Variants in PCDH9 observed in about 807,000 individuals in gnomAD.
PCDH9 encodes the protein protocadherin-9.
In PCDH9, 24 loss-of-function variants were observed where a neutral mutation model predicts 70.6. The ratio of observed to expected loss-of-function variants is 0.34; its 90% CI spans 0.25 to 0.48. PCDH9 has a LOEUF of 0.48. PCDH9 is among the 20% of genes least tolerant of loss of function. The pLI, the probability that PCDH9 is intolerant of heterozygous loss-of-function variation, is 0.99. For synonymous variants in PCDH9, 562 were observed against 558.5 expected, an observed-to-expected ratio of 1.01 and a Z score of -0.09; for missense variants, 1,281 against 1,503.6, an observed-to-expected ratio of 0.85 and a Z score of 2.45.
chr13:67,226,502 C>T lies in PCDH9; in HGVS notation c.1939G>A (p.Ala647Thr). 6.2e-7 allele frequency: 1 copy of T among 1,614,112 alleles called. No individual in the cohort carries two copies. The highest frequency in any genetic ancestry group is 1.6e-4 in the Middle Eastern group (1 of 6,062). ...QQSSYTFDVK[A>T]TDGGQPPRSS... ...CGAGGTGGTTGTCCTCCATCAGTGG[C>T]TTTGACATCAAAAGTGTAGGAACTC... The change falls in exon 2 of 5, where the codon GCC becomes ACC. Residue 647 changes from alanine (A) to threonine (T), a missense_variant. This residue lies in a region of PCDH9 where 798 missense variants were observed against 1,003.1 expected (regional missense o/e 0.80). Transcript: ENST00000377865. This position sits in a 1 kb window ranked among gnomAD's most constrained non-coding sequence, Gnocchi z 5.0.
chr13:66,457,119 T>G (rs1481901550), intron 4 of PCDH9, among the ~76,000 whole-genome samples: 1 of 152,090 alleles, frequency 6.6e-6, no homozygotes, highest in African/African-American at 2.4e-5. Flanking sequence ...TCTCAATAGT[T>G]TAAATAAAAA....
At chr13:67,067,529 C>G (rs1192528059) in intron 2 of PCDH9, among the ~76,000 whole-genome samples, 1 of 151,964 alleles carries the variant, frequency 6.6e-6, no homozygotes, top group Non-Finnish European at 1.5e-5. Flanking sequence ...ATAGCACATA[C>G]TTCATTAGTG....
At chr13:66,754,425 T>TA (rs1197114883) in intron 3 of PCDH9, among the ~76,000 whole-genome samples, 5 of 151,616 alleles carry the variant, frequency 3.3e-5, no homozygotes, top group East Asian at 3.9e-4. Flanking sequence ...CCTTATTTTT[T>TA]AAAAAAAGGA....
At chr13:66,327,512 G>A (rs1003128277) in intron 4 of PCDH9, among the ~76,000 whole-genome samples, 13 of 151,958 alleles carry the variant, frequency 8.6e-5, no homozygotes, top group Non-Finnish European at 1.5e-4. Context: ...CCATATTAAC[G>A]CTCTTTAAAA....
At chr13:66,606,179 C>A (rs1214473740) in intron 4 of PCDH9, among the ~76,000 whole-genome samples, 1 of 152,106 alleles carries the variant, frequency 6.6e-6, no homozygotes, top group Non-Finnish European at 1.5e-5. Flanking sequence ...GAACAAATGG[C>A]TGGTTCACTG....
At position 67,120,929 on chromosome 13, in the gene PCDH9, G is replaced by GA. The variant is rs879853398; in HGVS notation, c.3036+104475dup. On this transcript the variant is annotated intron_variant, in intron 2 of 4. Coordinates refer to ENST00000377865, the MANE Select transcript of PCDH9 (RefSeq NM_203487.3). ...GAAGTCACTTGGGCCACGACAGACA[G>GA]AAAAAAAAAAAACTAAAAACATTAT... 1.9e-3 allele frequency among the ~76,000 whole-genome samples: 267 copies of GA among 139,394 alleles called. 1 individual carries two copies. The Middle Eastern group carries it at 0.026, about 13-fold the overall frequency. 91.4% of individuals were successfully genotyped at this position (139,394 alleles called of 152,430 possible). A position where few individuals can be genotyped will look rare whatever the true frequency, so the allele number is the denominator to read the frequency against.
chr13:66,685,711 T>G (rs1338611561), intron 3 of PCDH9, among the ~76,000 whole-genome samples: 2 of 152,344 alleles, frequency 1.3e-5, no homozygotes, highest in East Asian at 3.9e-4. Flanking sequence ...TGGGTGGAGC[T>G]GCCCAAGGCC....
intron 2 of PCDH9, among the ~76,000 whole-genome samples, chr13:67,142,836 T>C (rs1392465456): frequency 3.8e-5 from 3 of 77,954 alleles, no homozygotes; most frequent in South Asian, 4.9e-4. Context: ...CTGTGTCTAC[T>C]AAAAATACAA....
chr13:66,613,735 A>C (rs1198363716), intron 4 of PCDH9, among the ~76,000 whole-genome samples: 2 of 148,102 alleles, frequency 1.4e-5, no homozygotes, highest in Non-Finnish European at 1.5e-5. Context: ...CTGTGTGTGT[A>C]CTGTGTGCGA....
rs186741520 is a variant in PCDH9 at position 66,452,284 on chromosome 13, G to A, written c.3341-147256C>T. Among the ~76,000 whole-genome samples the A allele has an allele frequency of 2.0e-5, 3 of 152,202 alleles. No homozygotes were observed. In the East Asian group the frequency reaches 5.8e-4, roughly 29 times the overall value. Reference sequence around the variant, plus strand: ...AAAGAACCTCACTGTTCTTCAGTTAGATTATATAAAGGGCACTGCATATTA... The same window carrying A: ...AAAGAACCTCACTGTTCTTCAGTTAAATTATATAAAGGGCACTGCATATTA... On this transcript the variant is annotated intron_variant, in intron 4 of 4. Coordinates refer to ENST00000377865, the MANE Select transcript of PCDH9 (RefSeq NM_203487.3).
At chr13:67,117,237 G>A (rs368018103) in intron 2 of PCDH9, among the ~76,000 whole-genome samples, 1 of 152,276 alleles carries the variant, frequency 6.6e-6, no homozygotes, top group East Asian at 1.9e-4. Context: ...GAAGATGCTG[G>A]TAAATTCAGC....
chr13:66,681,718 T>C (rs895882509), intron 3 of PCDH9, among the ~76,000 whole-genome samples: 9 of 152,074 alleles, frequency 5.9e-5, no homozygotes, highest in African/African-American at 1.9e-4. Flanking sequence ...GTTTTTCTGC[T>C]ATATGCTCTC....
chr13:67,133,511 C>T (rs1343862449), intron 2 of PCDH9, among the ~76,000 whole-genome samples: 1 of 152,042 alleles, frequency 6.6e-6, no homozygotes, highest in Non-Finnish European at 1.5e-5. Flanking sequence ...GCTTTACTGT[C>T]TGTAATTCTA....
chr13:66,966,388 A>G (rs552575963), intron 2 of PCDH9, among the ~76,000 whole-genome samples: 1 of 152,260 alleles, frequency 6.6e-6, no homozygotes, highest in Admixed American at 6.6e-5. Context: ...AAACAATTCC[A>G]AACTTTAAAA....
In PCDH9 at chr13:67,227,889, C is replaced by T. The variant is rs2138148693; in HGVS notation, c.552G>A (p.Gly184=). 2 of 1,613,982 alleles carry T rather than the reference C, an allele frequency of 1.2e-6. No individual in the cohort carries two copies. The highest frequency in any genetic ancestry group is 2.2e-5 in the East Asian group (1 of 44,882). Residue 184 remains glycine, a synonymous_variant, in exon 2 of 5, where the codon GGG becomes GGA. Coordinates refer to ENST00000377865, the MANE Select transcript of PCDH9 (RefSeq NM_203487.3). The surrounding 1 kb of genome is among the most constrained non-coding windows in gnomAD (Gnocchi z 4.6). ...NGVQHYELLN[G]QSVFGLDIVE... is the part of the protein sequence containing the mutation. The stretch of plus-strand genomic sequence containing the variant: ...CGATATCCAGTCCAAAAACACTCTG[C>T]CCATTTAACAATTCATAATGCTGTA...
chr13:66,646,027 T>C (rs536330601), intron 3 of PCDH9, among the ~76,000 whole-genome samples: 1 of 152,316 alleles, frequency 6.6e-6, no homozygotes, highest in East Asian at 1.9e-4. Context: ...AATGAAATAA[T>C]AACTCTACAA....
chr13:66,805,481 G>T (rs2080395318), intron 3 of PCDH9, among the ~76,000 whole-genome samples: 1 of 152,240 alleles, frequency 6.6e-6, no homozygotes, highest in African/African-American at 2.4e-5. Context: ...TGTTAATCTA[G>T]AAAATTAGAA....
intron 4 of PCDH9, among the ~76,000 whole-genome samples, chr13:66,467,233 GA>G (rs1958531580): frequency 6.6e-6 from 1 of 151,950 alleles, no homozygotes; most frequent in African/African-American, 2.4e-5. Context: ...TGTACATGTG[GA>G]AAAAACAATT....
At chr13:66,324,063 G>T (rs1245283381) in intron 4 of PCDH9, among the ~76,000 whole-genome samples, 2 of 151,954 alleles carry the variant, frequency 1.3e-5, no homozygotes, top group East Asian at 1.9e-4. Flanking sequence ...CCACAATTTT[G>T]CTCTAGCTCC....
Sources: gnomAD v4.1 joint callset for allele counts (sites outside exome capture counted in the v4.1 genomes callset) on GRCh38, gnomAD v4.1.1 for gene constraint, gnomAD v4.1.1 regional missense constraint, Gnocchi (gnomAD v3.1) non-coding constraint, MANE v1.5 for transcripts, NCBI Gene and HGNC (gene_info 2026-07-23, HGNC 2026-07-21) for gene names.